TAL2: variants seen among roughly 807,000 people sequenced by gnomAD.
TAL2 encodes the protein TAL bHLH transcription factor 2, also known as T-cell acute lymphocytic leukemia protein 2.
For synonymous variants in TAL2, 48 were observed against 52.4 expected (o/e 0.92, Z 0.36); for missense variants, 114 against 129.6 (o/e 0.88, Z 0.58).
In TAL2 at chr9:105,662,743, C is replaced by A. The variant is rs772076321; in HGVS notation, c.247C>A (p.His83Asn). ...TCTGGGGCTCTTCCCTCAAGGACCC[C>A]ACCTGCCAGGCCTGGAGGACAGAAC... is the stretch of plus-strand genomic sequence containing the variant. ...NILGLFPQGP[H>N]LPGLEDRTLL... Residue 83 changes from histidine (H) to asparagine (N), a missense_variant, in exon 1 of 1, where the codon CAC becomes AAC. Transcript: ENST00000334077. The A allele has an allele frequency of 4.4e-6, 7 of 1,586,550 alleles. No homozygotes were observed. The South Asian group carries it at 5.8e-5, about 13-fold the overall frequency.
At position 105,662,862 on chromosome 9, in the gene TAL2, C is replaced by A. The variant is rs1381582296; in HGVS notation, c.*39C>A. ...GTCATCTCCCAGGGCAGCACTTGCC[C>A]AGAAATCACTGCCTGTGGACAGACT... On this transcript the variant is annotated 3_prime_UTR_variant, in exon 1 of 1. Coordinates refer to ENST00000334077, the MANE Select transcript of TAL2 (RefSeq NM_005421.3). 2 of 1,428,186 alleles carry A rather than the reference C, an allele frequency of 1.4e-6. No individual in the cohort carries two copies. Among genetic ancestry groups the A allele is most frequent in the Non-Finnish European group, 1.9e-6 (2 of 1,080,064 alleles). The allele number at this position is 1,428,186 out of a possible 1,614,324, so 88.5% of individuals were successfully genotyped here. A position where few individuals can be genotyped will look rare whatever the true frequency, so the allele number is the denominator to read the frequency against.
In TAL2 at chr9:105,662,655, C is replaced by T. The variant is rs368490536; in HGVS notation, c.159C>T (p.Phe53=). 3 of 1,613,850 alleles carry T rather than the reference C, an allele frequency of 1.9e-6. No homozygotes were observed. The highest frequency in any genetic ancestry group is 1.6e-4 in the Middle Eastern group (1 of 6,084). The part of the protein sequence containing the change: ...TLRLAMRYIN[F]LVKVLGEQSL... ...GCCTGGCAATGAGGTATATCAACTT[C>T]TTGGTCAAGGTCTTGGGGGAGCAAA... is the stretch of plus-strand genomic sequence containing the variant. Residue 53 remains phenylalanine (F), a synonymous_variant, in exon 1 of 1, where the codon TTC becomes TTT. Coordinates refer to ENST00000334077, the MANE Select transcript of TAL2 (RefSeq NM_005421.3).
chr9:105,662,521 A>T lies in TAL2; in HGVS notation c.25A>T (p.Thr9Ser), dbSNP rs1834852621. Residue 9 changes from threonine (T) to serine (S), a missense_variant, in exon 1 of 1, where the codon ACC becomes TCC. Physicochemically the swap from Thr to Ser is moderately conservative, Grantham distance 58. Transcript: ENST00000334077. The part of the protein sequence containing the change: MTRKIFTN[T>S]RERWRQQNVN... ...CATGACCAGGAAGATCTTCACAAAT[A>T]CCAGGGAGCGGTGGAGGCAGCAGAA... 1 of 1,608,866 alleles carries T rather than the reference A, an allele frequency of 6.2e-7. No individual in the cohort carries two copies. The highest frequency in any genetic ancestry group is 2.2e-5 in the East Asian group (1 of 44,826).
chr9:105,662,655 C>A lies in TAL2; in HGVS notation c.159C>A (p.Phe53Leu). ...TLRLAMRYIN[F>L]LVKVLGEQSL... The stretch of plus-strand genomic sequence containing the variant: ...GCCTGGCAATGAGGTATATCAACTT[C>A]TTGGTCAAGGTCTTGGGGGAGCAAA... Residue 53 changes from phenylalanine to leucine, a missense_variant, in exon 1 of 1, where the codon TTC (phenylalanine) becomes TTA (leucine). Transcript: ENST00000334077. 1 of 1,613,968 alleles carries A rather than the reference C, an allele frequency of 6.2e-7. No homozygotes were observed. Among genetic ancestry groups the A allele is most frequent in the Middle Eastern group, 1.6e-4 (1 of 6,062 alleles).
rs752989118 is a variant in TAL2, at chr9:105,662,711, G to T, written c.215G>T (p.Gly72Val). The change falls in exon 1 of 1, where the codon GGG becomes GTG. Residue 72 changes from glycine (G) to valine (V), a missense_variant. Physicochemically the swap from Gly to Val is moderately radical, Grantham distance 109. Transcript: ENST00000334077. ...CAACAAACGGGAGTGGCTGCTCAGG[G>T]GAACATTCTGGGGCTCTTCCCTCAA... The part of the protein sequence containing the change: ...SLQQTGVAAQ[G>V]NILGLFPQGP... 8 of 1,610,312 alleles carry T rather than the reference G, an allele frequency of 5.0e-6. No homozygotes were observed. The South Asian group carries it at 8.9e-5, about 18-fold the overall frequency.
In TAL2 at chr9:105,662,759, A is replaced by G. The variant is rs773277741; in HGVS notation, c.263A>G (p.Glu88Gly). 22 of 1,563,614 alleles carry G rather than the reference A, an allele frequency of 1.4e-5. No homozygotes were observed. Among genetic ancestry groups the G allele is most frequent in the Non-Finnish European group, 1.9e-5 (22 of 1,156,176 alleles). ...CAAGGACCCCACCTGCCAGGCCTGG[A>G]GGACAGAACTCTGCTTGAGAACTAC... ...FPQGPHLPGL[E>G]DRTLLENYQV... Residue 88 changes from glutamate (E) to glycine (G), a missense_variant, in exon 1 of 1, where the codon GAG (glutamate) becomes GGG (glycine). By Grantham distance (98) the Glu-to-Gly change is moderately conservative. Transcript: ENST00000334077.
chr9:105,662,547 T>C lies in TAL2; in HGVS notation c.51T>C (p.Asn17=), dbSNP rs772552204. 1.2e-5 allele frequency: 19 copies of C among 1,613,412 alleles called. No individual in the cohort carries two copies. In the South Asian group the frequency reaches 1.8e-4, roughly 15 times the overall value. Residue 17 remains asparagine, a synonymous_variant, in exon 1 of 1, where the codon AAT becomes AAC. Coordinates refer to ENST00000334077, the MANE Select transcript of TAL2 (RefSeq NM_005421.3). ...TNTRERWRQQ[N]VNSAFAKLRK... ...CCAGGGAGCGGTGGAGGCAGCAGAA[T>C]GTCAACAGCGCCTTTGCCAAGCTGA...
Position 105,662,867 on chromosome 9 carries a change from A to G in TAL2, c.*44A>G. ...CTCCCAGGGCAGCACTTGCCCAGAA[A>G]TCACTGCCTGTGGACAGACTTTTGC... is the stretch of plus-strand genomic sequence containing the variant. On this transcript the variant is annotated 3_prime_UTR_variant, in exon 1 of 1. Transcript: ENST00000334077. 7.1e-7 allele frequency: 1 copy of G among 1,416,680 alleles called. No homozygotes were observed. The highest frequency in any genetic ancestry group is 9.3e-7 in the Non-Finnish European group (1 of 1,071,278). The allele number at this position is 1,416,680 out of a possible 1,614,324, so 87.8% of individuals were successfully genotyped here. A position where few individuals can be genotyped will look rare whatever the true frequency, so the allele number is the denominator to read the frequency against.
chr9:105,662,460 T>C lies in TAL2; in HGVS notation c.-37T>C, dbSNP rs766365322. On this transcript the variant is annotated 5_prime_UTR_variant, in exon 1 of 1. Transcript: ENST00000334077. ...CAGGCCTCTTATAAGATATTGGCCC[T>C]GAGGGCCCTTTCTCTTTCCATCTCA... 7.1e-6 allele frequency: 11 copies of C among 1,542,832 alleles called. No homozygotes were observed. The African/African-American group carries it at 1.5e-4, about 21-fold the overall frequency.
rs762534217 is a variant in TAL2, at chr9:105,662,556, C to T, written c.60C>T (p.Ser20=). The T allele has an allele frequency of 1.5e-5, 24 of 1,613,678 alleles. No individual in the cohort carries two copies. Among genetic ancestry groups the T allele is most frequent in the East Asian group, 6.7e-5 (3 of 44,890 alleles). The change falls in exon 1 of 1, where the codon AGC becomes AGT. Residue 20 remains serine, a synonymous_variant. Transcript: ENST00000334077. The part of the protein sequence containing the change: ...RERWRQQNVN[S]AFAKLRKLIP... ...GGTGGAGGCAGCAGAATGTCAACAG[C>T]GCCTTTGCCAAGCTGAGGAAGCTCA...
rs1269859593 is a variant in TAL2, at chr9:105,662,984, A to G, written c.*161A>G. ...GAGACAGCTGCAGGGAGCTGAAAGA[A>G]GCCATGAGGAATGTCACTTGTGGGC... On this transcript the variant is annotated 3_prime_UTR_variant, in exon 1 of 1. Transcript: ENST00000334077. 1.3e-5 allele frequency: 7 copies of G among 536,944 alleles called. No individual in the cohort carries two copies. Among genetic ancestry groups the G allele is most frequent in the Non-Finnish European group, 1.8e-5 (6 of 338,642 alleles). The allele number at this position is 536,944 out of a possible 1,614,324, so 33.3% of individuals were successfully genotyped here. A position where few individuals can be genotyped will look rare whatever the true frequency, so the allele number is the denominator to read the frequency against.
At position 105,662,638 on chromosome 9, in the gene TAL2, A is replaced by G; in HGVS notation, c.142A>G (p.Met48Val). 3 of 1,614,106 alleles carry G rather than the reference A, an allele frequency of 1.9e-6. No individual in the cohort carries two copies. Among genetic ancestry groups the G allele is most frequent in the Middle Eastern group, 1.6e-4 (1 of 6,062 alleles). Reference protein sequence around the residue: ...LSKNETLRLAMRYINFLVKVL... With the variant: ...LSKNETLRLAVRYINFLVKVL... ...CAAAAATGAAACGCTTCGCCTGGCA[A>G]TGAGGTATATCAACTTCTTGGTCAA... The change falls in exon 1 of 1, where the codon ATG becomes GTG. Residue 48 changes from methionine (M) to valine (V), a missense_variant. Coordinates refer to ENST00000334077, the MANE Select transcript of TAL2 (RefSeq NM_005421.3).
chr9:105,662,740 C>A lies in TAL2; in HGVS notation c.244C>A (p.Pro82Thr). ...GNILGLFPQG[P>T]HLPGLEDRTL... is the part of the protein sequence containing the mutation. ...CATTCTGGGGCTCTTCCCTCAAGGA[C>A]CCCACCTGCCAGGCCTGGAGGACAG... Residue 82 changes from proline to threonine, a missense_variant, in exon 1 of 1, where the codon CCC (proline) becomes ACC (threonine). Physicochemically the swap from Pro to Thr is conservative, Grantham distance 38. Coordinates refer to ENST00000334077, the MANE Select transcript of TAL2 (RefSeq NM_005421.3). The A allele has an allele frequency of 6.3e-7, 1 of 1,588,400 alleles. No individual in the cohort carries two copies. The highest frequency in any genetic ancestry group is 1.2e-5 in the South Asian group (1 of 86,516).
At position 105,662,645 on chromosome 9, in the gene TAL2, A is replaced by AT. The variant is rs766411273; in HGVS notation, c.150dup (p.Ile51TyrfsTer44). On this transcript the variant is annotated frameshift_variant, in exon 1 of 1. Coordinates refer to ENST00000334077, the MANE Select transcript of TAL2 (RefSeq NM_005421.3). LOFTEE classifies it high-confidence loss of function. ...GAAACGCTTCGCCTGGCAATGAGGT[A>AT]TATCAACTTCTTGGTCAAGGTCTTG... The AT allele has an allele frequency of 6.2e-6, 10 of 1,614,046 alleles. No individual in the cohort carries two copies. Among genetic ancestry groups the AT allele is most frequent in the Non-Finnish European group, 8.5e-6 (10 of 1,179,982 alleles).
At position 105,662,939 on chromosome 9, in the gene TAL2, G is replaced by A. The variant is rs1834858505; in HGVS notation, c.*116G>A. On this transcript the variant is annotated 3_prime_UTR_variant, in exon 1 of 1. Transcript: ENST00000334077. ...GATAACTCGTGAAGCATGAATTCTA[G>A]CTTCCTGGGAGGTGGCTCAGAGACA... is the stretch of plus-strand genomic sequence containing the variant. 5.8e-6 allele frequency: 5 copies of A among 857,058 alleles called. No individual in the cohort carries two copies. Among genetic ancestry groups the A allele is most frequent in the Non-Finnish European group, 6.4e-6 (4 of 624,184 alleles). 53.1% of individuals were successfully genotyped at this position (857,058 alleles called of 1,614,324 possible). A position where few individuals can be genotyped will look rare whatever the true frequency, so the allele number is the denominator to read the frequency against.
rs1040530663 is a variant in TAL2 at position 105,662,921 on chromosome 9, C to T, written c.*98C>T. ...TTCCAGAGTTGACCTGATGATAACT[C>T]GTGAAGCATGAATTCTAGCTTCCTG... is the stretch of plus-strand genomic sequence containing the variant. On this transcript the variant is annotated 3_prime_UTR_variant, in exon 1 of 1. Transcript: ENST00000334077. The T allele has an allele frequency of 6.6e-5, 63 of 959,770 alleles. No homozygotes were observed. Among genetic ancestry groups the T allele is most frequent in the Non-Finnish European group, 8.6e-5 (61 of 713,188 alleles). The allele number at this position is 959,770 out of a possible 1,614,324, so 59.5% of individuals were successfully genotyped here. A position where few individuals can be genotyped will look rare whatever the true frequency, so the allele number is the denominator to read the frequency against.
chr9:105,662,877 G>A lies in TAL2; in HGVS notation c.*54G>A, dbSNP rs1175941887. On this transcript the variant is annotated 3_prime_UTR_variant, in exon 1 of 1. Coordinates refer to ENST00000334077, the MANE Select transcript of TAL2 (RefSeq NM_005421.3). ...AGCACTTGCCCAGAAATCACTGCCTGTGGACAGACTTTTGCATGTTCCAGA... is the reference window on the plus strand; with the variant it reads ...AGCACTTGCCCAGAAATCACTGCCTATGGACAGACTTTTGCATGTTCCAGA... 7.3e-7 allele frequency: 1 copy of A among 1,364,942 alleles called. No homozygotes were observed. Among genetic ancestry groups the A allele is most frequent in the Admixed American group, 3.0e-5 (1 of 33,330 alleles). 84.6% of individuals were successfully genotyped at this position (1,364,942 alleles called of 1,614,324 possible). A position where few individuals can be genotyped will look rare whatever the true frequency, so the allele number is the denominator to read the frequency against.
In TAL2 at chr9:105,663,067, G is replaced by A. The variant is rs988651913; in HGVS notation, c.*244G>A. 3.2e-5 allele frequency: 12 copies of A among 379,658 alleles called. No homozygotes were observed. The highest frequency in any genetic ancestry group is 2.3e-4 in the African/African-American group (11 of 47,556). 23.5% of individuals were successfully genotyped at this position (379,658 alleles called of 1,614,324 possible). ...CTACCTCTGCCTATTTTAAATCCAG[G>A]TTCTGCATAAGACTTTTGGAGAAAA... On this transcript the variant is annotated 3_prime_UTR_variant, in exon 1 of 1. Transcript: ENST00000334077.
chr9:105,662,609 T>C lies in TAL2; in HGVS notation c.113T>C (p.Leu38Pro), dbSNP rs1242250082. ...LIPTHPPDKK[L>P]SKNETLRLAM... is the part of the protein sequence containing the mutation. ...CCCACTCACCCTCCAGACAAAAAGC[T>C]GAGCAAAAATGAAACGCTTCGCCTG... The change falls in exon 1 of 1, where the codon CTG (leucine) becomes CCG (proline). Residue 38 changes from leucine (L) to proline (P), a missense_variant. Leu to Pro is a moderately conservative substitution (Grantham distance 98, BLOSUM62 -3). Transcript: ENST00000334077. 1.9e-6 allele frequency: 3 copies of C among 1,613,730 alleles called. No individual in the cohort carries two copies. Among genetic ancestry groups the C allele is most frequent in the Non-Finnish European group, 2.5e-6 (3 of 1,179,934 alleles).
Sources: allele counts gnomAD v4.1 joint callset, GRCh38; gene constraint gnomAD v4.1.1; transcripts MANE v1.5; gene names NCBI Gene and HGNC (gene_info 2026-07-23, HGNC 2026-07-21).